Variants in TOM1 observed in about 807,000 individuals in gnomAD.
TOM1 encodes target of myb1 membrane trafficking protein.
Under a neutral mutation model 61.3 loss-of-function variants are expected in TOM1, and 38 were observed. The observed-to-expected ratio is 0.62, with a 90% CI of 0.48 to 0.81. The LOEUF is 0.81. TOM1 is among the 40% of genes least tolerant of loss of function. The probability of loss-of-function intolerance (pLI) is 0.00; values close to 1 mark genes in which losing one functional copy is unlikely to be tolerated. For synonymous variants in TOM1, 270 were observed against 268.8 expected, an observed-to-expected ratio of 1.00 and a Z score of -0.04; for missense variants, 591 against 659.6, an observed-to-expected ratio of 0.90 and a Z score of 1.14.
chr22:35,299,994 GC>G lies in TOM1; in HGVS notation c.52+20del, dbSNP rs909360773. On this transcript the variant is annotated intron_variant, in intron 1 of 14. Coordinates refer to ENST00000449058, the MANE Select transcript of TOM1 (RefSeq NM_005488.3). ...GACAGCGCATCGGTGAGTCCCTGGA[GC>G]CCCCCACAGCTCCGCCCCGGTGCTC... The G allele has an allele frequency of 7.7e-6, 12 of 1,562,750 alleles. No individual in the cohort carries two copies. The highest frequency in any genetic ancestry group is 1.2e-5 in the South Asian group (1 of 85,244).
At chr22:35,319,061 T>C (rs567735094) in intron 2 of TOM1, among the ~76,000 whole-genome samples, 1 of 152,280 alleles carries the variant, frequency 6.6e-6, no homozygotes, top group Non-Finnish European at 1.5e-5. Context: ...TCCTCAGCCC[T>C]GCTCCCTGAT....
At chr22:35,329,354 G>A (rs1928619890) in intron 7 of TOM1, among the ~76,000 whole-genome samples, 1 of 152,208 alleles carries the variant, frequency 6.6e-6, no homozygotes, top group Non-Finnish European at 1.5e-5. Flanking sequence ...ACAAACAAAG[G>A]ACATTAGAGG....
Position 35,334,448 on chromosome 22 carries a change from A to G in TOM1, c.1148A>G (p.Glu383Gly). The G allele has an allele frequency of 6.2e-7, 1 of 1,613,782 alleles. No homozygotes were observed. The highest frequency in any genetic ancestry group is 8.5e-7 in the Non-Finnish European group (1 of 1,179,948). ...AGCTCACTGGCTGACCAACGGAAAG[A>G]GTGAGTGGCCTGGCCCTGCCCTGGT... The part of the protein sequence containing the change: ...RGSSLADQRK[E>G]VKYEAPQATD... Residue 383 changes from glutamate to glycine, a missense_variant and splice_region_variant, in exon 11 of 15, where the codon GAG (glutamate) becomes GGG (glycine). Coordinates refer to ENST00000449058, the MANE Select transcript of TOM1 (RefSeq NM_005488.3).
rs571530049 is a variant in TOM1, at chr22:35,340,234, G to A, written c.1224+1446G>A. ...GAGTGAGGGTGGTGGACCTGGGGCC[G>A]AGGAGGCTAGAGGAGGCTCAAGGCA... On this transcript the variant is annotated intron_variant, in intron 12 of 14. Transcript: ENST00000449058. Among the ~76,000 whole-genome samples, 10 of 152,306 alleles carry A rather than the reference G, an allele frequency of 6.6e-5. 1 individual carries two copies. In the East Asian group the frequency reaches 9.7e-4, roughly 15 times the overall value.
chr22:35,346,587 C>T (rs1297268598), intron 13 of TOM1, among the ~76,000 whole-genome samples: 2 of 152,194 alleles, frequency 1.3e-5, no homozygotes, highest in Non-Finnish European at 2.9e-5. Context: ...AACCAGCACT[C>T]ATCAAGGTCC....
rs757346371 is a variant in TOM1, at chr22:35,323,567, G to A, written c.438G>A (p.Arg146=). Residue 146 remains arginine, a synonymous_variant, in exon 5 of 15, where the codon AGG becomes AGA. Transcript: ENST00000449058. The surrounding 1 kb of genome is among the most constrained non-coding windows in gnomAD (Gnocchi z 4.2). ...TCACCATCTATGAGGACCTGCGGAGGAAAGGCCTGGAGTTCCCCATGACTG... is the reference window on the plus strand; with the variant it reads ...TCACCATCTATGAGGACCTGCGGAGAAAAGGCCTGGAGTTCCCCATGACTG... The part of the protein sequence containing the change: ...GVVTIYEDLR[R]KGLEFPMTDL... The A allele has an allele frequency of 1.9e-6, 3 of 1,614,090 alleles. No individual in the cohort carries two copies. The highest frequency in any genetic ancestry group is 1.7e-6 in the Non-Finnish European group (2 of 1,180,006).
intron 12 of TOM1, among the ~76,000 whole-genome samples, chr22:35,340,844 G>A (rs1255235041): frequency 4.6e-5 from 7 of 152,206 alleles, no homozygotes; most frequent in Non-Finnish European, 1.0e-4. Flanking sequence ...CACTCTCTCC[G>A]CTCCTGGGTC....
intron 12 of TOM1, among the ~76,000 whole-genome samples, chr22:35,342,886 C>A (rs1353334486): frequency 6.9e-6 from 1 of 144,008 alleles, no homozygotes; most frequent in Admixed American, 6.9e-5. Context: ...CTACACACAC[C>A]ACACACACAT....
At chr22:35,319,092 G>C (rs1927553220) in intron 2 of TOM1, among the ~76,000 whole-genome samples, 1 of 152,236 alleles carries the variant, frequency 6.6e-6, no homozygotes, top group African/African-American at 2.4e-5. Flanking sequence ...ACTCATGAGA[G>C]TGAGGGTGAG....
chr22:35,339,970 T>C (rs1309139924), intron 12 of TOM1, among the ~76,000 whole-genome samples: 1 of 151,896 alleles, frequency 6.6e-6, no homozygotes, highest in Non-Finnish European at 1.5e-5. Context: ...TTGAATTCCG[T>C]TTAGTTCCTT....
At chr22:35,318,181 C>T (rs1206321689) in intron 2 of TOM1, 10 of 574,356 alleles carry the variant, frequency 1.7e-5, no homozygotes, top group Non-Finnish European at 3.1e-5. Flanking sequence ...GCCACCCCAC[C>T]CCGCCTCTCT....
intron 9 of TOM1, 112 bp downstream of exon 9, chr22:35,333,126 G>A (rs2145690553): frequency 2.5e-6 from 3 of 1,220,520 alleles, no homozygotes; most frequent in Non-Finnish European, 3.6e-6. Flanking sequence ...TCTTATCCAG[G>A]CCCATAGAGA....
At chr22:35,342,030 A>T (rs1032941966) in intron 12 of TOM1, among the ~76,000 whole-genome samples, 1 of 152,070 alleles carries the variant, frequency 6.6e-6, no homozygotes, top group African/African-American at 2.4e-5. Flanking sequence ...AGTGCCAGCT[A>T]CTTGGGAGGC....
intron 12 of TOM1, among the ~76,000 whole-genome samples, chr22:35,343,278 CCTA>C (rs1302711491): frequency 2.1e-5 from 3 of 144,756 alleles, no homozygotes; most frequent in Non-Finnish European, 4.5e-5. Context: ...CACTCATACA[CCTA>C]CACACACAGC....
Position 35,343,569 on chromosome 22 carries a change from C to T in TOM1, c.1225-2156C>T, listed in dbSNP as rs545802979. On this transcript the variant is annotated intron_variant, in intron 12 of 14. Coordinates refer to ENST00000449058, the MANE Select transcript of TOM1 (RefSeq NM_005488.3). ...CCACCACACACACCTACACACACCACACCTACACTCATACACCTACACACA... is the reference window on the plus strand; with the variant it reads ...CCACCACACACACCTACACACACCATACCTACACTCATACACCTACACACA... Among the ~76,000 whole-genome samples the T allele has an allele frequency of 2.1e-5, 3 of 146,208 alleles. No individual in the cohort carries two copies. In the East Asian group the frequency reaches 6.3e-4, roughly 31 times the overall value.
At chr22:35,342,185 G>C (rs1929930646) in intron 12 of TOM1, among the ~76,000 whole-genome samples, 1 of 152,112 alleles carries the variant, frequency 6.6e-6, no homozygotes, top group South Asian at 2.1e-4. Flanking sequence ...CGCAGCCCAG[G>C]TTTGCGCCCT....
chr22:35,329,208 G>A (rs1928605655), intron 7 of TOM1, among the ~76,000 whole-genome samples: 1 of 152,234 alleles, frequency 6.6e-6, no homozygotes, highest in East Asian at 1.9e-4. Context: ...CACCCGCCTC[G>A]GCCTCCCCAA....
chr22:35,330,008 G>A (rs1471580909), intron 7 of TOM1, among the ~76,000 whole-genome samples: 5 of 152,268 alleles, frequency 3.3e-5, no homozygotes, highest in East Asian at 3.9e-4. Context: ...GGCCAGGCGC[G>A]GTGGCTCACG....
At chr22:35,340,144 G>A (rs116191446) in intron 12 of TOM1, among the ~76,000 whole-genome samples, 212 of 152,352 alleles carry the variant, frequency 1.4e-3, no homozygotes, top group African/African-American at 4.9e-3. Flanking sequence ...CAAGTGAGCA[G>A]ACAGAGCAGG....
Sources: gnomAD v4.1 joint callset for allele counts (sites outside exome capture counted in the v4.1 genomes callset) on GRCh38, gnomAD v4.1.1 for gene constraint, Gnocchi (gnomAD v3.1) non-coding constraint, MANE v1.5 for transcripts, NCBI Gene and HGNC (gene_info 2026-07-23, HGNC 2026-07-21) for gene names.